Variants in LRRTM3 observed in about 807,000 individuals in gnomAD.
LRRTM3 encodes leucine rich repeat transmembrane neuronal 3.
LRRTM3 carries 24 observed loss-of-function variants against 44.7 expected under a neutral mutation model. The observed-to-expected ratio is 0.54, with a 90% CI of 0.39 to 0.76. The LOEUF (loss-of-function observed/expected upper bound fraction) is 0.76, where lower values mean the gene tolerates loss of function less well. LRRTM3 is among the 30% of genes least tolerant of loss of function. LRRTM3 has a pLI of 0.00. For synonymous variants in LRRTM3, 277 were observed against 278.7 expected (o/e 0.99, Z 0.06); for missense variants, 587 against 702.2 (o/e 0.84, Z 1.85).
At chr10:66,981,862 A>G (rs928267512) in intron 2 of LRRTM3, among the ~76,000 whole-genome samples, 1 of 152,226 alleles carries the variant, frequency 6.6e-6, no homozygotes, top group African/African-American at 2.4e-5. Context: ...GCAGTGTTCT[A>G]TAATTTTCCC....
chr10:66,942,572 CTCTCTG>C (rs1399283845), intron 2 of LRRTM3, among the ~76,000 whole-genome samples: 78 of 149,832 alleles, frequency 5.2e-4, no homozygotes, highest in East Asian at 4.1e-4. Flanking sequence ...CTCTCTCTCT[CTCTCTG>C]TGTGTGTGTA....
At chr10:66,988,713 G>C (rs10733833) in intron 2 of LRRTM3, among the ~76,000 whole-genome samples, 71,344 of 151,856 alleles carry the variant, frequency 0.47, 17,281 homozygotes, top group African/African-American at 0.55. Flanking sequence ...GGTCACCTCT[G>C]AATACTAGGA....
intron 2 of LRRTM3, among the ~76,000 whole-genome samples, chr10:67,055,701 G>A (rs1855384527): frequency 6.6e-6 from 1 of 152,056 alleles, no homozygotes; most frequent in Non-Finnish European, 1.5e-5. Flanking sequence ...TGGTATTTTT[G>A]TGGGAGTAAG....
chr10:66,952,923 C>T (rs946716853), intron 2 of LRRTM3, among the ~76,000 whole-genome samples: 3 of 151,962 alleles, frequency 2.0e-5, no homozygotes, highest in African/African-American at 4.8e-5. Flanking sequence ...GTGTTACAGC[C>T]GTTCAGAATG....
Position 66,928,184 on chromosome 10 carries a change from G to C in LRRTM3, c.1268G>C (p.Gly423Ala), listed in dbSNP as rs1847182140. The stretch of plus-strand genomic sequence containing the variant: ...ATCTCTTTCCATAAAATCATCGCGG[G>C]CAGCGTGGCGCTTTTCCTGTCCGTG... Reference protein sequence around the residue: ...EHISFHKIIAGSVALFLSVLV... With the variant: ...EHISFHKIIAASVALFLSVLV... Residue 423 changes from glycine to alanine, a missense_variant, in exon 2 of 3, where the codon GGC becomes GCC. Coordinates refer to ENST00000361320, the MANE Select transcript of LRRTM3 (RefSeq NM_178011.5). 6.2e-7 allele frequency: 1 copy of C among 1,613,962 alleles called. No homozygotes were observed. Among genetic ancestry groups the C allele is most frequent in the Non-Finnish European group, 8.5e-7 (1 of 1,180,042 alleles).
At chr10:66,996,673 C>CAAAAAAAAAAAAAAAAA (rs1851371155) in intron 2 of LRRTM3, among the ~76,000 whole-genome samples, 1 of 69,086 alleles carries the variant, frequency 1.4e-5, no homozygotes. Flanking sequence ...AAAAAAAAAG[C>CAAAAAAAAAAAAAAAAA]ATGTTTGTGT....
intron 2 of LRRTM3, among the ~76,000 whole-genome samples, chr10:67,042,121 G>A (rs1371714846): frequency 6.6e-6 from 1 of 152,166 alleles, no homozygotes; most frequent in Non-Finnish European, 1.5e-5. Flanking sequence ...AACTATGAAA[G>A]AAGAGGATTT....
intron 2 of LRRTM3, among the ~76,000 whole-genome samples, chr10:67,036,275 C>CA (rs897590428): frequency 6.9e-6 from 1 of 145,544 alleles, no homozygotes; most frequent in Non-Finnish European, 1.5e-5. Context: ...CCACACCCAG[C>CA]TTTTTTTTTT....
intron 2 of LRRTM3, among the ~76,000 whole-genome samples, chr10:67,061,276 C>T (rs1360385541): frequency 6.6e-6 from 1 of 152,134 alleles, no homozygotes; most frequent in African/African-American, 2.4e-5. Flanking sequence ...GCTTATTGTC[C>T]TTCCTTTGCC....
At chr10:66,978,247 C>A (rs138398024) in intron 2 of LRRTM3, among the ~76,000 whole-genome samples, 1 of 151,812 alleles carries the variant, frequency 6.6e-6, no homozygotes, top group Non-Finnish European at 1.5e-5. Flanking sequence ...TATTGTGGGC[C>A]AAGTGCACTG....
chr10:66,989,800 C>T (rs1850940058), intron 2 of LRRTM3, among the ~76,000 whole-genome samples: 1 of 152,124 alleles, frequency 6.6e-6, no homozygotes, highest in South Asian at 2.1e-4. Context: ...GGTCTGAGCT[C>T]ATCCAGGAAA....
At chr10:67,066,104 T>C (rs1856058756) in intron 2 of LRRTM3, among the ~76,000 whole-genome samples, 1 of 151,894 alleles carries the variant, frequency 6.6e-6, no homozygotes, top group Non-Finnish European at 1.5e-5. Flanking sequence ...CTGGGGATCA[T>C]GAGGGAGCTG....
chr10:66,980,245 A>G (rs1311795554), intron 2 of LRRTM3, among the ~76,000 whole-genome samples: 1 of 152,204 alleles, frequency 6.6e-6, no homozygotes, highest in Non-Finnish European at 1.5e-5. Context: ...TTACTAATTT[A>G]GAGACCACTG....
chr10:67,010,217 GAA>G (rs1282924341), intron 2 of LRRTM3, among the ~76,000 whole-genome samples: 2 of 152,072 alleles, frequency 1.3e-5, no homozygotes, highest in Non-Finnish European at 2.9e-5. Flanking sequence ...TTGTTCTTTA[GAA>G]AAGTTATTAT....
chr10:67,019,043 T>C (rs1339219587), intron 2 of LRRTM3, among the ~76,000 whole-genome samples: 1 of 152,224 alleles, frequency 6.6e-6, no homozygotes, highest in Non-Finnish European at 1.5e-5. Flanking sequence ...CACTATTACA[T>C]ATCTAATGAA....
chr10:67,048,696 G>T (rs79025089), intron 2 of LRRTM3, among the ~76,000 whole-genome samples: 3,567 of 152,054 alleles, frequency 0.023, 144 homozygotes, highest in African/African-American at 0.08. Context: ...AAATTTCCAG[G>T]ATCAAAGTTC....
intron 2 of LRRTM3, among the ~76,000 whole-genome samples, chr10:66,998,078 T>C (rs1392302428): frequency 2.6e-5 from 4 of 152,190 alleles, no homozygotes; most frequent in Admixed American, 2.0e-4. Flanking sequence ...TCTACAACAA[T>C]TGTAATTATA....
chr10:66,929,042 T>G (rs752880674), intron 2 of LRRTM3, among the ~76,000 whole-genome samples: 25 of 152,136 alleles, frequency 1.6e-4, no homozygotes, highest in Admixed American at 3.3e-4. Context: ...TTTCCAGAGG[T>G]GTCTGAATTA....
intron 2 of LRRTM3, among the ~76,000 whole-genome samples, chr10:67,007,768 TA>T (rs530563846): frequency 7.1e-4 from 108 of 151,154 alleles, no homozygotes; most frequent in Middle Eastern, 3.4e-3. Context: ...ATAGTATTTT[TA>T]AAAAAAAAGT....
Sources: gnomAD v4.1 joint callset for allele counts (sites outside exome capture counted in the v4.1 genomes callset) on GRCh38, gnomAD v4.1.1 for gene constraint, MANE v1.5 for transcripts, NCBI Gene and HGNC (gene_info 2026-07-23, HGNC 2026-07-21) for gene names.